Variants in CAV1 observed in about 807,000 individuals in gnomAD.
CAV1 encodes caveolin 1.
In CAV1, 10 loss-of-function variants were observed where a neutral mutation model predicts 16.5. That is an observed-to-expected ratio of 0.61 (90% CI 0.37 to 1.03). The LOEUF (loss-of-function observed/expected upper bound fraction) is 1.03, where lower values mean the gene tolerates loss of function less well. CAV1 is among the 50% of genes least tolerant of loss of function. The pLI is 0.01. For synonymous variants in CAV1, 76 were observed against 85.1 expected, an observed-to-expected ratio of 0.89 and a Z score of 0.59; for missense variants, 212 against 232.8, an observed-to-expected ratio of 0.91 and a Z score of 0.58.
Position 116,545,451 on chromosome 7 carries a change from A to G in CAV1, c.196-13495A>G, listed in dbSNP as rs149743028. Among the ~76,000 whole-genome samples, 59 of 152,354 alleles carry G rather than the reference A, an allele frequency of 3.9e-4. No individual in the cohort carries two copies. In the East Asian group the frequency reaches 0.01, roughly 26 times the overall value. ...GTAATTATCCTTGCCTAGATTTTGCAAGAACCCTAGTGTGTATCTTTTTCC... is the reference window on the plus strand; with the variant it reads ...GTAATTATCCTTGCCTAGATTTTGCGAGAACCCTAGTGTGTATCTTTTTCC... On this transcript the variant is annotated intron_variant, in intron 2 of 2. Coordinates refer to ENST00000341049, the MANE Select transcript of CAV1 (RefSeq NM_001753.5).
chr7:116,525,712 G>C (rs903974259), intron 1 of CAV1: 2 of 1,068,498 alleles, frequency 1.9e-6, no homozygotes, highest in South Asian at 6.6e-5. Context: ...CTCTGCCCGG[G>C]TGTGGAAACC....
chr7:116,531,390 A>G (rs983477926), intron 2 of CAV1, among the ~76,000 whole-genome samples: 1 of 152,192 alleles, frequency 6.6e-6, no homozygotes, highest in African/African-American at 2.4e-5. Flanking sequence ...CACAGACACA[A>G]ATTTTTCTTT....
chr7:116,528,837 A>G (rs896386824), intron 2 of CAV1, among the ~76,000 whole-genome samples: 41 of 151,616 alleles, frequency 2.7e-4, no homozygotes, highest in African/African-American at 9.9e-4. Context: ...TTATTTATTT[A>G]TTTATTTTTT....
At position 116,539,489 on chromosome 7, in the gene CAV1, G is replaced by A. The variant is rs566008998; in HGVS notation, c.195+12800G>A. 3.1e-4 allele frequency among the ~76,000 whole-genome samples: 47 copies of A among 152,230 alleles called. No individual in the cohort carries two copies. The South Asian group carries it at 9.3e-3, about 30-fold the overall frequency. On this transcript the variant is annotated intron_variant, in intron 2 of 2. Coordinates refer to ENST00000341049, the MANE Select transcript of CAV1 (RefSeq NM_001753.5). ...AAAGACACTGGGATTACATTATTGA[G>A]TGTCTTTCTTCCTTTGCCACTTTTG...
intron 2 of CAV1, among the ~76,000 whole-genome samples, chr7:116,537,521 A>G (rs1377425073): frequency 6.6e-6 from 1 of 152,228 alleles, no homozygotes; most frequent in Non-Finnish European, 1.5e-5. Context: ...GATTGCCAGA[A>G]CAACACAGGC....
At position 116,536,860 on chromosome 7, in the gene CAV1, G is replaced by A. The variant is rs953658732; in HGVS notation, c.195+10171G>A. On this transcript the variant is annotated intron_variant, in intron 2 of 2. Transcript: ENST00000341049. ...CTACTAAAAATACAAAAAATTAGCC[G>A]GGCGCGGTGGCGGGCGCCTGTAGTC... Among the ~76,000 whole-genome samples the A allele has an allele frequency of 1.3e-4, 20 of 151,602 alleles. 1 individual carries two copies. The highest frequency in any genetic ancestry group is 9.8e-4 in the Admixed American group (15 of 15,248).
At chr7:116,549,920 T>A (rs1794126435) in intron 2 of CAV1, among the ~76,000 whole-genome samples, 1 of 152,148 alleles carries the variant, frequency 6.6e-6, no homozygotes, top group Admixed American at 6.5e-5. Context: ...CTACATTTAG[T>A]CACTACAAGT....
intron 2 of CAV1, among the ~76,000 whole-genome samples, chr7:116,534,973 G>C (rs1793777397): frequency 6.6e-6 from 1 of 152,142 alleles, no homozygotes; most frequent in Non-Finnish European, 1.5e-5. Context: ...ACTGTGGAGG[G>C]CTCCCAAATC....
intron 2 of CAV1, among the ~76,000 whole-genome samples, chr7:116,534,747 A>G (rs1455770588): frequency 1.3e-5 from 2 of 151,850 alleles, no homozygotes; most frequent in Non-Finnish European, 2.9e-5. Flanking sequence ...GAGTATCTGT[A>G]TTTTTCAGAG....
At position 116,526,804 on chromosome 7, in the gene CAV1, GCA is replaced by G. The variant is rs138907327; in HGVS notation, c.195+132_195+133del. On this transcript the variant is annotated intron_variant, in intron 2 of 2. Transcript: ENST00000341049. ...ACACCCCACCCCGCCCCCTACACGC[GCA>G]CACACACACACACACAGAGTTTTGT... 0.017 allele frequency: 16,212 copies of G among 930,718 alleles called. 46 individuals carry two copies. The highest frequency in any genetic ancestry group is 0.042 in the African/African-American group (2,530 of 59,860). The allele number at this position is 930,718 out of a possible 1,614,324, so 57.7% of individuals were successfully genotyped here.
intron 2 of CAV1, among the ~76,000 whole-genome samples, chr7:116,549,129 T>C (rs3779514): frequency 0.83 from 125,539 of 152,138 alleles, 51,960 homozygotes; most frequent in East Asian, 0.95. Context: ...TACACACACA[T>C]GGGAAAACAT....
At chr7:116,537,215 A>T (rs1793839179) in intron 2 of CAV1, among the ~76,000 whole-genome samples, 1 of 152,174 alleles carries the variant, frequency 6.6e-6, no homozygotes, top group South Asian at 2.1e-4. Flanking sequence ...TGTGCTTAAT[A>T]TTCTGTCTCA....
At chr7:116,526,479 G>T (rs754281619) in intron 1 of CAV1, 46 bp from the exon 2 acceptor site, 8 of 1,612,374 alleles carry the variant, frequency 5.0e-6, no homozygotes, top group Non-Finnish European at 6.8e-6. Context: ...TCCCACCGCC[G>T]TTGCCGCCCT....
chr7:116,529,011 G>T (rs1295434649), intron 2 of CAV1, among the ~76,000 whole-genome samples: 1 of 151,982 alleles, frequency 6.6e-6, no homozygotes, highest in Non-Finnish European at 1.5e-5. Flanking sequence ...TGTATTTTTA[G>T]TGGAGACGGG....
chr7:116,538,410 A>G (rs1233465513), intron 2 of CAV1, among the ~76,000 whole-genome samples: 1 of 152,256 alleles, frequency 6.6e-6, no homozygotes, highest in Non-Finnish European at 1.5e-5. Flanking sequence ...TATCTTTTCT[A>G]TCTTCTTAGA....
rs137878381 is a variant in CAV1 at position 116,538,827 on chromosome 7, G to A, written c.195+12138G>A. ...TTCACAATCATGGAGGAAGGTGAAAGGCACATCTTACATGGTGGCAGACAA... is the reference window on the plus strand; with the variant it reads ...TTCACAATCATGGAGGAAGGTGAAAAGCACATCTTACATGGTGGCAGACAA... On this transcript the variant is annotated intron_variant, in intron 2 of 2. Coordinates refer to ENST00000341049, the MANE Select transcript of CAV1 (RefSeq NM_001753.5). Among the ~76,000 whole-genome samples, 454 of 152,316 alleles carry A rather than the reference G, an allele frequency of 3.0e-3. 3 individuals carry two copies. Among genetic ancestry groups the A allele is most frequent in the African/African-American group, 0.01 (429 of 41,568 alleles).
intron 1 of CAV1, chr7:116,526,297 T>A: frequency 6.6e-6 from 9 of 1,363,282 alleles, no homozygotes; most frequent in Non-Finnish European, 8.6e-6. Flanking sequence ...CCCTGCAGAG[T>A]ACAGAGGGGT....
At chr7:116,530,650 A>G (rs1210724586) in intron 2 of CAV1, among the ~76,000 whole-genome samples, 3 of 152,172 alleles carry the variant, frequency 2.0e-5, no homozygotes, top group Non-Finnish European at 4.4e-5. Flanking sequence ...ATTCTAAACG[A>G]GCCAGGCATG....
chr7:116,525,862 G>T, intron 1 of CAV1: 4 of 988,588 alleles, frequency 4.0e-6, no homozygotes, highest in Non-Finnish European at 4.8e-6. Context: ...GCCAAAAATG[G>T]GGACTTTCGG....
Sources: gnomAD v4.1 joint callset for allele counts (sites outside exome capture counted in the v4.1 genomes callset) on GRCh38, gnomAD v4.1.1 for gene constraint, MANE v1.5 for transcripts, NCBI Gene and HGNC (gene_info 2026-07-23, HGNC 2026-07-21) for gene names.